Variants in CDKN2C observed in about 807,000 individuals in gnomAD.
CDKN2C encodes the protein cyclin dependent kinase inhibitor 2C, also known as cyclin-dependent kinase 4 inhibitor C.
A neutral mutation model predicts 11.0 loss-of-function variants in CDKN2C; 5 were observed. The ratio of observed to expected loss-of-function variants is 0.45; its 90% confidence interval spans 0.24 to 0.95. The LOEUF is 0.95. Ranked by LOEUF, CDKN2C falls within the 40% of genes least tolerant of loss-of-function variation. The pLI is 0.21. For synonymous variants in CDKN2C, 79 were observed against 88.3 expected (o/e 0.89, Z 0.59); for missense variants, 161 against 211.9 (o/e 0.76, Z 1.49).
At chr1:50,962,124 T>C (rs980710879) in intron 1 of CDKN2C, among the ~76,000 whole-genome samples, 56 of 152,362 alleles carry the variant, frequency 3.7e-4, no homozygotes, top group African/African-American at 1.3e-3. Context: ...CTTATGCCTA[T>C]AATCCCAACA....
At chr1:50,970,632 A>T (rs1402197722) in intron 1 of CDKN2C, 135 bp downstream of exon 1, 1 of 1,026,226 alleles carries the variant, frequency 9.7e-7, no homozygotes, top group East Asian at 2.4e-5. Context: ...GCCATATTTT[A>T]TATCTTTAAG....
chr1:50,966,818 A>G (rs1237897046), upstream of CDKN2C, among the ~76,000 whole-genome samples: 1 of 151,704 alleles, frequency 6.6e-6, no homozygotes, highest in African/African-American at 2.4e-5. Flanking sequence ...GAAAAAAATC[A>G]GAACTTTGTT....
chr1:50,966,879 A>AT (rs1645349329), upstream of CDKN2C, among the ~76,000 whole-genome samples: 2 of 151,940 alleles, frequency 1.3e-5, no homozygotes, highest in Admixed American at 1.3e-4. Context: ...TTTTATTTCT[A>AT]TATAAGGAAG....
chr1:50,961,222 T>C (rs1413804452), intron 1 of CDKN2C, among the ~76,000 whole-genome samples: 3 of 152,142 alleles, frequency 2.0e-5, no homozygotes, highest in Non-Finnish European at 4.4e-5. Context: ...GTATTTTTAG[T>C]AGAGACGGGG....
chr1:50,970,280 T>G lies in CDKN2C; in HGVS notation c.-89T>G. On this transcript the variant is annotated 5_prime_UTR_variant, in exon 1 of 2. The change abolishes an upstream ATG in the 5' untranslated region. Transcript: ENST00000371761. ...TCCCAGTCCTTCTGTCAGTCTCCGA[T>G]GCCATCATGCAGCCTGGTTAGGAGC... is the stretch of plus-strand genomic sequence containing the variant. The G allele has an allele frequency of 6.6e-7, 1 of 1,516,968 alleles. No individual in the cohort carries two copies. Among genetic ancestry groups the G allele is most frequent in the Non-Finnish European group, 9.0e-7 (1 of 1,105,472 alleles). The allele number at this position is 1,516,968 out of a possible 1,614,324, so 94.0% of individuals were successfully genotyped here.
chr1:50,965,247 C>A (rs1268566358), upstream of CDKN2C, among the ~76,000 whole-genome samples: 1 of 151,996 alleles, frequency 6.6e-6, no homozygotes, highest in Non-Finnish European at 1.5e-5. Context: ...CACCTGTAAT[C>A]CTAGCACTGT....
chr1:50,960,784 A>T (rs1360803089), exon 1 of CDKN2C: 1 of 152,196 alleles, frequency 6.6e-6, no homozygotes. Context: ...GACATGGGAG[A>T]GACGAGGAAG....
upstream of CDKN2C, among the ~76,000 whole-genome samples, chr1:50,967,611 A>G (rs886963702): frequency 1.3e-5 from 2 of 152,220 alleles, no homozygotes; most frequent in Non-Finnish European, 2.9e-5. Context: ...GCTTGGTTTC[A>G]TTTTGACCAC....
intron 1 of CDKN2C, among the ~76,000 whole-genome samples, chr1:50,961,441 T>G (rs1645322125): frequency 6.6e-6 from 1 of 152,234 alleles, no homozygotes; most frequent in East Asian, 1.9e-4. Flanking sequence ...AGCCAAAGAC[T>G]ATGTACAATG....
intron 1 of CDKN2C, among the ~76,000 whole-genome samples, chr1:50,973,240 C>T (rs933000836): frequency 4.6e-5 from 7 of 152,132 alleles, no homozygotes; most frequent in Non-Finnish European, 1.0e-4. Context: ...TATTAAATAA[C>T]TTGCAAATAA....
chr1:50,968,294 G>C (rs1645358106), upstream of CDKN2C: 1 of 152,362 alleles, frequency 6.6e-6, no homozygotes, highest in Admixed American at 6.5e-5. Context: ...GCTGAGGAAC[G>C]ACTCCCTTTA....
intron 1 of CDKN2C, among the ~76,000 whole-genome samples, chr1:50,964,717 C>T (rs191534757): frequency 2.0e-5 from 3 of 152,266 alleles, no homozygotes; most frequent in East Asian, 1.9e-4. Flanking sequence ...ACCTGAAATA[C>T]GGGGATTATT....
At chr1:50,967,436 C>G (rs1645352665), upstream of CDKN2C, among the ~76,000 whole-genome samples, 1 of 152,146 alleles carries the variant, frequency 6.6e-6, no homozygotes, top group African/African-American at 2.4e-5. Context: ...CAGATTCTTC[C>G]CAGTTTCAAC....
At chr1:50,968,599 G>C (rs1258521089), upstream of CDKN2C, 1 of 152,290 alleles carries the variant, frequency 6.6e-6, no homozygotes, top group African/African-American at 2.4e-5. Context: ...GCGGGACCGG[G>C]CGGGCGGAGC....
At chr1:50,967,313 AAG>A (rs144893757), upstream of CDKN2C, among the ~76,000 whole-genome samples, 83 of 152,356 alleles carry the variant, frequency 5.4e-4, no homozygotes, top group East Asian at 0.015. Context: ...ATGTAAGAAA[AAG>A]AGAGTTAATT....
chr1:50,971,049 TC>T (rs1174590979), intron 1 of CDKN2C, among the ~76,000 whole-genome samples: 1 of 152,214 alleles, frequency 6.6e-6, no homozygotes, highest in Non-Finnish European at 1.5e-5. Flanking sequence ...TGTAATACCA[TC>T]CACTCATTCA....
intron 1 of CDKN2C, among the ~76,000 whole-genome samples, chr1:50,963,892 T>C (rs1027861147): frequency 2.0e-5 from 3 of 152,064 alleles, no homozygotes; most frequent in Non-Finnish European, 4.4e-5. Flanking sequence ...CAGTAGTTCA[T>C]GGAGCTCAGC....
upstream of CDKN2C, among the ~76,000 whole-genome samples, chr1:50,965,853 T>C (rs1277370263): frequency 5.3e-5 from 8 of 152,334 alleles, no homozygotes; most frequent in African/African-American, 1.7e-4. Flanking sequence ...GTGCCCAGTC[T>C]GTTTTCCACC....
intron 1 of CDKN2C, among the ~76,000 whole-genome samples, chr1:50,971,119 G>C (rs1645377236): frequency 6.6e-6 from 1 of 152,158 alleles, no homozygotes; most frequent in Admixed American, 6.5e-5. Context: ...CAGTGTCTTT[G>C]TCTCTACGGT....
Sources: gnomAD v4.1 joint callset for allele counts (sites outside exome capture counted in the v4.1 genomes callset) on GRCh38, gnomAD v4.1.1 for gene constraint, MANE v1.5 for transcripts, NCBI Gene and HGNC (gene_info 2026-07-23, HGNC 2026-07-21) for gene names.